The following TCTN2 variants were observed in gnomAD, a reference collection of about 807,000 sequenced individuals.
TCTN2 encodes the protein tectonic family member 2, also known as tectonic-2.
A neutral mutation model predicts 83.4 loss-of-function variants in TCTN2; 66 were observed. That is an observed-to-expected ratio of 0.79 (90% CI 0.65 to 0.97). The LOEUF (loss-of-function observed/expected upper bound fraction) is 0.97. TCTN2 is among the 50% of genes least tolerant of loss of function. TCTN2 has a pLI of 0.00. For missense variants in TCTN2, 794 were observed against 858.1 expected (o/e 0.93, Z 0.93); for synonymous variants, 301 against 326.7 (o/e 0.92, Z 0.85).
rs1955975131 is a variant in TCTN2, at chr12:123,686,911, C to A, written c.640C>A (p.Pro214Thr). The change falls in exon 6 of 18, where the codon CCT (proline) becomes ACT (threonine). Residue 214 changes from proline to threonine, a missense_variant. Coordinates refer to ENST00000303372, the MANE Select transcript of TCTN2 (RefSeq NM_024809.5). Reference sequence around the variant, plus strand: ...CGTGTTTGGAGGAGACGTCAATCCTCCTTTTGATCAGCTCTGCTCTGCTGG... The same window carrying A: ...CGTGTTTGGAGGAGACGTCAATCCTACTTTTGATCAGCTCTGCTCTGCTGG... Reference protein sequence around the residue: ...TGVFGGDVNPPFDQLCSAGTT... With the variant: ...TGVFGGDVNPTFDQLCSAGTT... 6.2e-7 allele frequency: 1 copy of A among 1,614,108 alleles called. No homozygotes were observed. Among genetic ancestry groups the A allele is most frequent in the African/African-American group, 1.3e-5 (1 of 74,942 alleles).
At chr12:123,694,806 G>A (rs761039170) in intron 9 of TCTN2, 36 bp from the exon 10 acceptor site, 35 of 1,602,504 alleles carry the variant, frequency 2.2e-5, no homozygotes, top group Non-Finnish European at 3.0e-5. Flanking sequence ...GCTCAAAGAG[G>A]GTCTTTAATT....
intron 5 of TCTN2, among the ~76,000 whole-genome samples, chr12:123,679,738 T>TG (rs1368541792): frequency 7.1e-6 from 1 of 141,648 alleles, no homozygotes; most frequent in Non-Finnish European, 1.6e-5. Context: ...CAAATTGAGT[T>TG]TTTTTTTTTT....
intron 6 of TCTN2, 90 bp from the exon 7 acceptor site, chr12:123,687,961 C>T (rs1368081716): frequency 1.9e-6 from 3 of 1,558,046 alleles, no homozygotes; most frequent in Non-Finnish European, 2.6e-6. Flanking sequence ...GAGACTCCAT[C>T]TCAGAAAACA....
chr12:123,701,582 A>T (rs1593865392), intron 14 of TCTN2, among the ~76,000 whole-genome samples: 1 of 67,908 alleles, frequency 1.5e-5, no homozygotes, highest in Admixed American at 1.4e-4. Flanking sequence ...TACTAAAAAT[A>T]AAAAAAAAAA....
At chr12:123,683,828 A>G (rs1160261912) in intron 5 of TCTN2, among the ~76,000 whole-genome samples, 1 of 152,044 alleles carries the variant, frequency 6.6e-6, no homozygotes, top group African/African-American at 2.4e-5. Context: ...TGTTGTAGAG[A>G]TGGGGTTTCA....
At position 123,671,949 on chromosome 12, in the gene TCTN2, G is replaced by A. The variant is rs1955758215; in HGVS notation, c.191-107G>A. The A allele has an allele frequency of 1.1e-5, 10 of 934,858 alleles. No homozygotes were observed. In the Admixed American group the frequency reaches 1.7e-4, roughly 16 times the overall value. The allele number at this position is 934,858 out of a possible 1,614,324, so 57.9% of individuals were successfully genotyped here. On this transcript the variant is annotated intron_variant, in intron 2 of 17. Transcript: ENST00000303372. Reference sequence around the variant, plus strand: ...TCCCAGTGTCAAGCAGCTTGTAAAGGGCCCAATCTTAGGCTGTAATGTGAG... The same window carrying A: ...TCCCAGTGTCAAGCAGCTTGTAAAGAGCCCAATCTTAGGCTGTAATGTGAG...
At position 123,673,665 on chromosome 12, in the gene TCTN2, C is replaced by T; in HGVS notation, c.318C>T (p.Ser106=). ...VRWKRGLDWC[S]SNETDSFSES... ...GGAAGAGAGGTCTGGACTGGTGTTC[C>T]TCCAATGAGACAGATTCCTTCTCAG... is the stretch of plus-strand genomic sequence containing the variant. Residue 106 remains serine, a synonymous_variant, in exon 4 of 18, where the codon TCC becomes TCT. Coordinates refer to ENST00000303372, the MANE Select transcript of TCTN2 (RefSeq NM_024809.5). 6.2e-7 allele frequency: 1 copy of T among 1,614,190 alleles called. No individual in the cohort carries two copies.
In TCTN2 at chr12:123,704,587, G is replaced by C; in HGVS notation, c.1668G>C (p.Met556Ile). ...CGCTGGCTAGCAGTGTGAACGGCAT[G>C]TGCCTGGATATTCCTGCTCACCTGA... Reference protein sequence around the residue: ...ADPLASSVNGMCLDIPAHLSI... With the variant: ...ADPLASSVNGICLDIPAHLSI... Residue 556 changes from methionine (M) to isoleucine (I), a missense_variant, in exon 15 of 18, where the codon ATG (methionine) becomes ATC (isoleucine). Physicochemically the swap from Met to Ile is conservative, Grantham distance 10 (BLOSUM62 1). Coordinates refer to ENST00000303372, the MANE Select transcript of TCTN2 (RefSeq NM_024809.5). 6.2e-7 allele frequency: 1 copy of C among 1,613,676 alleles called. No homozygotes were observed. Among genetic ancestry groups the C allele is most frequent in the African/African-American group, 1.3e-5 (1 of 74,900 alleles).
intron 9 of TCTN2, among the ~76,000 whole-genome samples, chr12:123,693,991 TA>T (rs1428807167): frequency 6.7e-6 from 1 of 150,036 alleles, no homozygotes; most frequent in Non-Finnish European, 1.5e-5. Flanking sequence ...CTAATTTTTG[TA>T]TTTTTTTGTA....
intron 6 of TCTN2, 63 bp from the exon 7 acceptor site, chr12:123,687,987 AT>A: frequency 6.2e-7 from 1 of 1,601,566 alleles, no homozygotes; most frequent in Non-Finnish European, 8.5e-7. Flanking sequence ...AAAGAACAAC[AT>A]TAAGGAAGAA....
chr12:123,679,974 C>T (rs1267682065), intron 5 of TCTN2, among the ~76,000 whole-genome samples: 6 of 150,140 alleles, frequency 4.0e-5, no homozygotes, highest in South Asian at 2.1e-4. Flanking sequence ...CTCCTGACCT[C>T]GTGATCCGCC....
At chr12:123,684,914 T>G (rs35416308) in intron 5 of TCTN2, among the ~76,000 whole-genome samples, 54,310 of 151,188 alleles carry the variant, frequency 0.36, 10,224 homozygotes, top group African/African-American at 0.41. Context: ...GCGGGGTATG[T>G]TGGTGGGTGC....
At chr12:123,693,612 G>A (rs1956073146) in intron 9 of TCTN2, among the ~76,000 whole-genome samples, 1 of 149,204 alleles carries the variant, frequency 6.7e-6, no homozygotes. Flanking sequence ...ACCACCATAT[G>A]CCTGGCTAAT....
Position 123,679,435 on chromosome 12 carries a change from C to T in TCTN2, c.564+146C>T, listed in dbSNP as rs532294249. 121 of 775,704 alleles carry T rather than the reference C, an allele frequency of 1.6e-4. No homozygotes were observed. In the African/African-American group the frequency reaches 1.9e-3, roughly 12 times the overall value. 48.1% of individuals were successfully genotyped at this position (775,704 alleles called of 1,614,324 possible). Reference sequence around the variant, plus strand: ...GGAGTATGGTGATGCAATGATGGCTCACTGCAGCCTCGACCTCCCGGGCTC... The same window carrying T: ...GGAGTATGGTGATGCAATGATGGCTTACTGCAGCCTCGACCTCCCGGGCTC... On this transcript the variant is annotated intron_variant, in intron 5 of 17. Transcript: ENST00000303372.
chr12:123,675,198 A>G (rs1462569770), intron 4 of TCTN2, among the ~76,000 whole-genome samples: 1 of 152,192 alleles, frequency 6.6e-6, no homozygotes, highest in Admixed American at 6.6e-5. Context: ...TTTTGATGCT[A>G]CAGCAAAGAT....
intron 15 of TCTN2, 91 bp downstream of exon 15, chr12:123,704,779 G>C: frequency 2.1e-6 from 3 of 1,420,718 alleles, no homozygotes; most frequent in Non-Finnish European, 3.0e-6. Context: ...TTTAGAAACT[G>C]ATTGTTTATT....
chr12:123,700,136 C>G (rs1593863523), intron 14 of TCTN2: 1 of 430,498 alleles, frequency 2.3e-6, no homozygotes, highest in Non-Finnish European at 4.3e-6. Flanking sequence ...CTCAGCCTTC[C>G]AAGTAGCTGG....
At chr12:123,697,315 A>G in intron 13 of TCTN2, 117 bp downstream of exon 13, 1 of 784,156 alleles carries the variant, frequency 1.3e-6, no homozygotes, top group South Asian at 1.4e-5. Context: ...TAAAATGTGT[A>G]AAAGTGATAA....
In TCTN2 at chr12:123,707,044, TTCTATA is replaced by T. The variant is rs377628976; in HGVS notation, c.1958_1963del (p.Leu653_Tyr654del). On this transcript the variant is annotated inframe_deletion, in exon 17 of 18. Coordinates refer to ENST00000303372, the MANE Select transcript of TCTN2 (RefSeq NM_024809.5). ...AGAAATGAGGTGTGTTGGCCGCAGC[TTCTATA>T]TCCATGGACTCAGTATTATCAAGGT... 7.4e-6 allele frequency: 12 copies of T among 1,613,728 alleles called. No homozygotes were observed. In the African/African-American group the frequency reaches 1.2e-4, roughly 16 times the overall value.
Sources: allele counts gnomAD v4.1 joint callset (sites outside exome capture counted in the v4.1 genomes callset), GRCh38; gene constraint gnomAD v4.1.1; transcripts MANE v1.5; gene names NCBI Gene and HGNC (gene_info 2026-07-23, HGNC 2026-07-21).